The following GPC5 variants were observed in gnomAD, a reference collection of about 807,000 sequenced individuals.
GPC5 encodes the protein glypican 5.
Under a neutral mutation model 53.9 loss-of-function variants are expected in GPC5, and 47 were observed. The ratio of observed to expected loss-of-function variants is 0.87; its 90% confidence interval spans 0.69 to 1.11. The LOEUF is 1.11. GPC5 is among the 50% of genes most tolerant of loss of function. The pLI is 0.00. For missense variants in GPC5, 748 were observed against 713.1 expected (o/e 1.05, Z -0.56); for synonymous variants, 286 against 263.3 (o/e 1.09, Z -0.84).
intron 6 of GPC5, among the ~76,000 whole-genome samples, chr13:92,099,420 C>T (rs2041447864): frequency 6.6e-6 from 1 of 152,142 alleles, no homozygotes; most frequent in Admixed American, 6.6e-5. Context: ...TTTCTTTGCT[C>T]TTGCTGTCCT....
chr13:92,758,994 GTTTT>G (rs68182839), intron 7 of GPC5, among the ~76,000 whole-genome samples: 3 of 70,566 alleles, frequency 4.3e-5, no homozygotes, highest in African/African-American at 6.8e-5. Flanking sequence ...TCCCATTGCG[GTTTT>G]TTTTTTTTTT....
At chr13:92,226,244 G>A (rs945638810) in intron 7 of GPC5, among the ~76,000 whole-genome samples, 9 of 152,042 alleles carry the variant, frequency 5.9e-5, no homozygotes, top group Non-Finnish European at 7.4e-5. Flanking sequence ...ACCCAGTCTC[G>A]GGGAGTTTAT....
intron 7 of GPC5, among the ~76,000 whole-genome samples, chr13:92,263,687 C>A (rs945623783): frequency 1.3e-5 from 2 of 152,000 alleles, no homozygotes; most frequent in Non-Finnish European, 2.9e-5. Flanking sequence ...TAAATGGGGA[C>A]AAAATATTAA....
chr13:91,650,241 G>T (rs994248393), intron 2 of GPC5, among the ~76,000 whole-genome samples: 2 of 152,096 alleles, frequency 1.3e-5, no homozygotes, highest in Non-Finnish European at 2.9e-5. Context: ...TTACCTAAAA[G>T]GGACAGTGTC....
intron 7 of GPC5, among the ~76,000 whole-genome samples, chr13:92,527,241 GAAAGAAAGA>G (rs1881380376): frequency 2.7e-5 from 1 of 36,584 alleles, no homozygotes; most frequent in East Asian, 1.4e-3. Context: ...AAGAAAGAAA[GAAAGAAAGA>G]GAAAGAAAGA....
intron 7 of GPC5, among the ~76,000 whole-genome samples, chr13:92,212,114 T>C (rs1001751994): frequency 6.0e-5 from 9 of 150,830 alleles, no homozygotes; most frequent in Admixed American, 2.0e-4. Context: ...CATGTTTGGA[T>C]TGCAATTTTA....
chr13:92,644,495 G>A (rs1458458658), intron 7 of GPC5, among the ~76,000 whole-genome samples: 1 of 152,112 alleles, frequency 6.6e-6, no homozygotes, highest in Non-Finnish European at 1.5e-5. Flanking sequence ...ATAATGCCAT[G>A]TGACAAAAGA....
At chr13:92,620,407 C>T (rs1884832443) in intron 7 of GPC5, among the ~76,000 whole-genome samples, 1 of 152,132 alleles carries the variant, frequency 6.6e-6, no homozygotes, top group African/African-American at 2.4e-5. Flanking sequence ...TTAGGTAACA[C>T]ACATCAGAGT....
At chr13:92,571,258 A>G (rs181762514) in intron 7 of GPC5, among the ~76,000 whole-genome samples, 3 of 152,272 alleles carry the variant, frequency 2.0e-5, no homozygotes, top group Admixed American at 1.3e-4. Flanking sequence ...TTCCAGTTCT[A>G]TTCTCACCAT....
intron 7 of GPC5, among the ~76,000 whole-genome samples, chr13:92,276,495 A>G (rs2042876847): frequency 1.3e-5 from 2 of 152,236 alleles, no homozygotes; most frequent in East Asian, 3.9e-4. Flanking sequence ...CAAAAAACAC[A>G]ATATTTACTC....
chr13:92,278,788 C>A (rs9523582), intron 7 of GPC5, among the ~76,000 whole-genome samples: 12,988 of 151,952 alleles, frequency 0.085, 617 homozygotes, highest in Middle Eastern at 0.12. Context: ...GAGATCACTC[C>A]TCCCCCCGTT....
intron 7 of GPC5, among the ~76,000 whole-genome samples, chr13:92,388,862 AT>A (rs140145948): frequency 6.6e-6 from 1 of 152,076 alleles, no homozygotes; most frequent in East Asian, 1.9e-4. Flanking sequence ...ATGTTTGGTT[AT>A]TTTTTTGATT....
rs187546500 is a variant in GPC5, at chr13:92,125,147, C to T, written c.1402-19683C>T. On this transcript the variant is annotated intron_variant, in intron 6 of 7. Coordinates refer to ENST00000377067, the MANE Select transcript of GPC5 (RefSeq NM_004466.6). ...AGAGGCCCATGTGACAAGGAACCAA[C>T]GGAGTCTATAGCACAACACCTGGCT... is the stretch of plus-strand genomic sequence containing the variant. 1.1e-3 allele frequency among the ~76,000 whole-genome samples: 161 copies of T among 152,206 alleles called. 1 individual carries two copies. Among genetic ancestry groups the T allele is most frequent in the African/African-American group, 3.6e-3 (148 of 41,524 alleles).
intron 7 of GPC5, among the ~76,000 whole-genome samples, chr13:92,261,037 A>G (rs1393633400): frequency 6.6e-6 from 1 of 152,200 alleles, no homozygotes; most frequent in South Asian, 2.1e-4. Context: ...CCCAATACTT[A>G]TATAATAACA....
intron 7 of GPC5, among the ~76,000 whole-genome samples, chr13:92,626,763 G>C (rs1345914561): frequency 6.6e-6 from 1 of 152,038 alleles, no homozygotes; most frequent in African/African-American, 2.4e-5. Flanking sequence ...GAAGATAGGA[G>C]TAAAACTCTC....
intron 7 of GPC5, among the ~76,000 whole-genome samples, chr13:92,751,996 G>A (rs1215499003): frequency 6.6e-6 from 1 of 150,924 alleles, no homozygotes; most frequent in African/African-American, 2.4e-5. Flanking sequence ...GTTATGAATT[G>A]AATATAATAG....
chr13:92,834,351 G>C (rs9589634), intron 7 of GPC5, among the ~76,000 whole-genome samples: 14,592 of 152,110 alleles, frequency 0.096, 1,235 homozygotes, highest in African/African-American at 0.22. Context: ...AAGCGGAACT[G>C]AAGTGTACCA....
intron 5 of GPC5, among the ~76,000 whole-genome samples, chr13:91,782,182 G>C (rs1279285956): frequency 6.6e-6 from 1 of 152,192 alleles, no homozygotes; most frequent in East Asian, 1.9e-4. Flanking sequence ...CTGTGTCTTT[G>C]GTTGCCATCC....
intron 7 of GPC5, among the ~76,000 whole-genome samples, chr13:92,823,191 A>G (rs921321407): frequency 6.6e-6 from 1 of 152,150 alleles, no homozygotes; most frequent in Non-Finnish European, 1.5e-5. Context: ...ATTCCTATAA[A>G]AACAGGTGAA....
Sources: gnomAD v4.1 joint callset for allele counts (sites outside exome capture counted in the v4.1 genomes callset) on GRCh38, gnomAD v4.1.1 for gene constraint, MANE v1.5 for transcripts, NCBI Gene and HGNC (gene_info 2026-07-23, HGNC 2026-07-21) for gene names.